Variants in ZSCAN1 observed in about 807,000 individuals in gnomAD.
ZSCAN1 encodes the protein zinc finger and SCAN domain-containing protein 1.
In ZSCAN1, 23 loss-of-function variants were observed where a neutral mutation model predicts 23.8. That is an observed-to-expected ratio of 0.97 (90% CI 0.70 to 1.37). The LOEUF is 1.37. Among genes scored for constraint, ZSCAN1 ranks in the 40% most tolerant of loss-of-function variants. The pLI is 0.00. For missense variants in ZSCAN1, 575 were observed against 554.0 expected (o/e 1.04, Z -0.38); for synonymous variants, 236 against 232.3 (o/e 1.02, Z -0.15).
chr19:58,042,319 G>A (rs1020046013), intron 4 of ZSCAN1, among the ~76,000 whole-genome samples: 1 of 150,984 alleles, frequency 6.6e-6, no homozygotes, highest in Non-Finnish European at 1.5e-5. Context: ...GTGCAGTGGC[G>A]CGATCTCGGC....
At position 58,046,558 on chromosome 19, in the gene ZSCAN1, A is replaced by G. The variant is rs908515132; in HGVS notation, c.466-5932A>G. 2.4e-5 allele frequency: 21 copies of G among 882,282 alleles called. 1 individual carries two copies. The highest frequency in any genetic ancestry group is 4.1e-5 in the Non-Finnish European group (21 of 510,866). 54.7% of individuals were successfully genotyped at this position (882,282 alleles called of 1,614,324 possible). ...GAAGCAAGTCAAGCACATTCCCAAA[A>G]GCAAGCTCACCAGCCTGGCCGCAGC... is the stretch of plus-strand genomic sequence containing the variant. On this transcript the variant is annotated intron_variant, in intron 4 of 5. Transcript: ENST00000282326.
At chr19:58,046,516 G>A (rs1180200854) in intron 4 of ZSCAN1, 6 of 916,244 alleles carry the variant, frequency 6.5e-6, no homozygotes, top group East Asian at 2.4e-5. Flanking sequence ...CAGTGTTGCC[G>A]AGCTCATCAA....
intron 2 of ZSCAN1, among the ~76,000 whole-genome samples, chr19:58,036,889 G>A (rs182971813): frequency 2.3e-4 from 35 of 152,174 alleles, no homozygotes; most frequent in Admixed American, 1.0e-3. Flanking sequence ...TCGCCATGTC[G>A]GTCAGGCTGG....
chr19:58,034,811 C>G (rs964838053), intron 1 of ZSCAN1, among the ~76,000 whole-genome samples: 45 of 147,756 alleles, frequency 3.0e-4, no homozygotes, highest in African/African-American at 1.1e-3. Context: ...CCCTGTATTC[C>G]CAGTGCGCTG....
intron 2 of ZSCAN1, among the ~76,000 whole-genome samples, chr19:58,036,569 G>A (rs1005410741): frequency 1.4e-5 from 2 of 141,612 alleles, no homozygotes; most frequent in African/African-American, 5.3e-5. Flanking sequence ...AGGCTGGAGT[G>A]CAGTGGCACA....
At position 58,045,117 on chromosome 19, in the gene ZSCAN1, G is replaced by T; in HGVS notation, c.465+4573G>T. ...CCTGCTACGGATCCACACCAAGATC[G>T]CAGCACGCATGCTCTGGCGCATCCT... On this transcript the variant is annotated intron_variant, in intron 4 of 5. Transcript: ENST00000282326. The surrounding 1 kb of genome is among the most constrained non-coding windows in gnomAD (Gnocchi z 4.3). 8.0e-7 allele frequency: 1 copy of T among 1,250,868 alleles called. No individual in the cohort carries two copies. The highest frequency in any genetic ancestry group is 1.2e-6 in the Non-Finnish European group (1 of 852,920). The allele number at this position is 1,250,868 out of a possible 1,614,324, so 77.5% of individuals were successfully genotyped here. A position where few individuals can be genotyped will look rare whatever the true frequency, so the allele number is the denominator to read the frequency against.
At chr19:58,052,832 C>T (rs2073866617) in intron 5 of ZSCAN1, among the ~76,000 whole-genome samples, 1 of 152,210 alleles carries the variant, frequency 6.6e-6, no homozygotes, top group South Asian at 2.1e-4. Context: ...ACGAGAAGGG[C>T]CTCAGCCTCC....
At chr19:58,042,497 A>T (rs2123426959) in intron 4 of ZSCAN1, among the ~76,000 whole-genome samples, 1 of 152,068 alleles carries the variant, frequency 6.6e-6, no homozygotes, top group Admixed American at 6.5e-5. Context: ...TGACCTCGTG[A>T]TCCACCCGCC....
intron 2 of ZSCAN1, among the ~76,000 whole-genome samples, chr19:58,036,733 C>T (rs1450413276): frequency 6.6e-6 from 1 of 152,002 alleles, no homozygotes; most frequent in Non-Finnish European, 1.5e-5. Context: ...GTCACTCAGG[C>T]TGGAGTACAG....
chr19:58,052,830 G>T (rs1361572828), intron 5 of ZSCAN1, among the ~76,000 whole-genome samples: 2 of 152,190 alleles, frequency 1.3e-5, no homozygotes, highest in African/African-American at 2.4e-5. Flanking sequence ...CTACGAGAAG[G>T]GCCTCAGCCT....
rs914780995 is a variant in ZSCAN1, at chr19:58,054,229, G to A, written c.*178G>A. 1.0e-5 allele frequency: 8 copies of A among 789,562 alleles called. No individual in the cohort carries two copies. The highest frequency in any genetic ancestry group is 5.5e-5 in the East Asian group (2 of 36,260). The allele number at this position is 789,562 out of a possible 1,614,324, so 48.9% of individuals were successfully genotyped here. ...ACACCTGCTCCGAAGCCAAGCACGGGATGGGGCTTCCCAGGGTCTCAGCTG... is the reference window on the plus strand; with the variant it reads ...ACACCTGCTCCGAAGCCAAGCACGGAATGGGGCTTCCCAGGGTCTCAGCTG... On this transcript the variant is annotated 3_prime_UTR_variant, in exon 6 of 6. Coordinates refer to ENST00000282326, the MANE Select transcript of ZSCAN1 (RefSeq NM_182572.4). The surrounding 1 kb of genome is among the most constrained non-coding windows in gnomAD (Gnocchi z 4.2).
In ZSCAN1 at chr19:58,047,744, G is replaced by A. The variant is rs75975716; in HGVS notation, c.466-4746G>A. Among the ~76,000 whole-genome samples, 478 of 152,344 alleles carry A rather than the reference G, an allele frequency of 3.1e-3. 4 individuals are homozygous for A. The highest frequency in any genetic ancestry group is 5.2e-3 in the Non-Finnish European group (356 of 68,024). On this transcript the variant is annotated intron_variant, in intron 4 of 5. Coordinates refer to ENST00000282326, the MANE Select transcript of ZSCAN1 (RefSeq NM_182572.4). This position sits in a 1 kb window ranked among gnomAD's most constrained non-coding sequence, Gnocchi z 4.9. ...TCAGGCCCCTGGGGTCCTTTAACAA[G>A]CAGGCTGGTCACCGAGGCACGAAGA...
intron 2 of ZSCAN1, among the ~76,000 whole-genome samples, chr19:58,036,652 A>T (rs2073739585): frequency 6.6e-6 from 1 of 151,090 alleles, no homozygotes; most frequent in South Asian, 2.1e-4. Flanking sequence ...AGTAGCTGGG[A>T]TTACAGGTGC....
At position 58,040,541 on chromosome 19, in the gene ZSCAN1, G is replaced by T. The variant is rs762110190; in HGVS notation, c.462G>T (p.Ser154=). Reference sequence around the variant, plus strand: ...GTCCAAGGTCCCAGAAAGAACCATCGCAGGTGAGCCCGGGGCCCCCAGCTC... The same window carrying T: ...GTCCAAGGTCCCAGAAAGAACCATCTCAGGTGAGCCCGGGGCCCCCAGCTC... ...GKSPRSQKEP[S]QASELILDAV... Residue 154 remains serine, a synonymous_variant, in exon 4 of 6, where the codon TCG becomes TCT. Coordinates refer to ENST00000282326, the MANE Select transcript of ZSCAN1 (RefSeq NM_182572.4). The surrounding 1 kb of genome is among the most constrained non-coding windows in gnomAD (Gnocchi z 5.8). 6.2e-7 allele frequency: 1 copy of T among 1,613,294 alleles called. No individual in the cohort carries two copies. The highest frequency in any genetic ancestry group is 1.1e-5 in the South Asian group (1 of 91,078).
chr19:58,043,021 G>A (rs1466468805), intron 4 of ZSCAN1, among the ~76,000 whole-genome samples: 1 of 152,246 alleles, frequency 6.6e-6, no homozygotes, highest in East Asian at 1.9e-4. Context: ...CCGGGATCGG[G>A]GCGCTGGTGA....
chr19:58,041,162 G>T (rs1599902118), intron 4 of ZSCAN1, among the ~76,000 whole-genome samples: 1 of 152,378 alleles, frequency 6.6e-6, no homozygotes, highest in East Asian at 1.9e-4. Flanking sequence ...GGGCTACTGA[G>T]TTTGACCACT....
chr19:58,046,869 G>A, intron 4 of ZSCAN1: 1 of 622,204 alleles, frequency 1.6e-6, no homozygotes, highest in East Asian at 2.7e-5. Context: ...CTAATACTTT[G>A]GCTGGAATAA....
chr19:58,035,686 A>C (rs1290901107), intron 1 of ZSCAN1, among the ~76,000 whole-genome samples: 1 of 152,242 alleles, frequency 6.6e-6, no homozygotes, highest in East Asian at 1.9e-4. Flanking sequence ...CCAAGCTGGT[A>C]GTTTCCCAAT....
Position 58,038,016 on chromosome 19 carries a change from G to C in ZSCAN1, c.180G>C (p.Trp60Cys). 1 of 1,610,998 alleles carries C rather than the reference G, an allele frequency of 6.2e-7. No homozygotes were observed. The highest frequency in any genetic ancestry group is 8.5e-7 in the Non-Finnish European group (1 of 1,179,690). The change falls in exon 3 of 6, where the codon TGG (tryptophan) becomes TGC (cysteine). Residue 60 changes from tryptophan (W) to cysteine (C), a missense_variant. Trp to Cys is a radical substitution (Grantham distance 215, BLOSUM62 -2). Transcript: ENST00000282326. ...SGPHLALGQL[W>C]TLCRQWLRPE... ...CGCACCTCGCGCTGGGCCAGCTCTG[G>C]ACGCTGTGCCGCCAGTGGCTGAGGC...
Sources: gnomAD v4.1 joint callset for allele counts (sites outside exome capture counted in the v4.1 genomes callset) on GRCh38, gnomAD v4.1.1 for gene constraint, Gnocchi (gnomAD v3.1) non-coding constraint, MANE v1.5 for transcripts, NCBI Gene and HGNC (gene_info 2026-07-23, HGNC 2026-07-21) for gene names.